Variants in NFX1 observed in about 807,000 individuals in gnomAD.
The protein encoded by NFX1 is transcriptional repressor NF-X1.
Under a neutral mutation model 137.2 loss-of-function variants are expected in NFX1, and 69 were observed. The observed-to-expected ratio is 0.50, with a 90% CI of 0.41 to 0.61. The LOEUF is 0.61. NFX1 is among the 20% of genes least tolerant of loss of function. NFX1 has a pLI of 0.00. For synonymous variants in NFX1, 495 were observed against 474.1 expected (o/e 1.04, Z -0.57); for missense variants, 1,167 against 1,391.0 (o/e 0.84, Z 2.56).
intron 6 of NFX1, among the ~76,000 whole-genome samples, chr9:33,311,532 C>T (rs1221354971): frequency 6.6e-6 from 1 of 151,724 alleles, no homozygotes; most frequent in Non-Finnish European, 1.5e-5. Flanking sequence ...CCCATTATTT[C>T]GGGTAAAATA....
At chr9:33,307,794 CTTTTT>C (rs139468485) in intron 5 of NFX1, among the ~76,000 whole-genome samples, 4 of 85,320 alleles carry the variant, frequency 4.7e-5, no homozygotes, top group Admixed American at 1.3e-4. Context: ...TTCTTTCTTT[CTTTTT>C]TTTTTTTTTT....
chr9:33,361,533 G>A (rs550723195), intron 19 of NFX1, among the ~76,000 whole-genome samples: 24 of 152,212 alleles, frequency 1.6e-4, no homozygotes, highest in African/African-American at 5.3e-4. Context: ...AGCACTTTGG[G>A]AGGTCGAGGC....
chr9:33,313,900 C>G, intron 7 of NFX1, 107 bp downstream of exon 7: 1 of 1,148,378 alleles, frequency 8.7e-7, no homozygotes, highest in South Asian at 1.4e-5. Context: ...GTCACAAAGA[C>G]CTTGAGTAGA....
In NFX1 at chr9:33,352,533, C is replaced by A. The variant is rs1257775980; in HGVS notation, c.2656-113C>A. 4 of 873,528 alleles carry A rather than the reference C, an allele frequency of 4.6e-6. No homozygotes were observed. In the African/African-American group the frequency reaches 6.6e-5, roughly 14 times the overall value. 54.1% of individuals were successfully genotyped at this position (873,528 alleles called of 1,614,324 possible). On this transcript the variant is annotated intron_variant, in intron 16 of 23. Coordinates refer to ENST00000379540, the MANE Select transcript of NFX1 (RefSeq NM_002504.6). Reference sequence around the variant, plus strand: ...CTTCTTCCAGCTTGGAGAGTGGCCACCCACTGACTCTCTAGTCTCTGCTAT... The same window carrying A: ...CTTCTTCCAGCTTGGAGAGTGGCCAACCACTGACTCTCTAGTCTCTGCTAT...
rs945738887 is a variant in NFX1, at chr9:33,328,516, A to G, written c.1907-65A>G. On this transcript the variant is annotated intron_variant, in intron 9 of 23. Coordinates refer to ENST00000379540, the MANE Select transcript of NFX1 (RefSeq NM_002504.6). ...GAGGGGAAGACCAGTGTGGCTAGCA[A>G]ATTTGGGAGTATGAAAATGAGTAGT... is the stretch of plus-strand genomic sequence containing the variant. 3.2e-6 allele frequency: 4 copies of G among 1,254,640 alleles called. No individual in the cohort carries two copies. The Admixed American group carries it at 6.9e-5, about 22-fold the overall frequency. The allele number at this position is 1,254,640 out of a possible 1,614,324, so 77.7% of individuals were successfully genotyped here.
chr9:33,351,495 G>T, intron 15 of NFX1, 65 bp from the exon 16 acceptor site: 1 of 1,471,728 alleles, frequency 6.8e-7, no homozygotes. Flanking sequence ...TGTTTAAAGA[G>T]AAAGTTAAAA....
intron 21 of NFX1, 146 bp from the exon 22 acceptor site, chr9:33,366,483 G>C (rs2118704338): frequency 1.1e-6 from 1 of 893,064 alleles, no homozygotes; most frequent in East Asian, 2.7e-5. Flanking sequence ...CTCCAGGCTT[G>C]CTTGGCAGTT....
chr9:33,363,075 C>T (rs1449921102), intron 19 of NFX1, among the ~76,000 whole-genome samples: 1 of 151,688 alleles, frequency 6.6e-6, no homozygotes, highest in Non-Finnish European at 1.5e-5. Context: ...TACAAAATAG[C>T]TAGAAAAGAG....
At chr9:33,310,658 G>C (rs935044951) in intron 5 of NFX1, among the ~76,000 whole-genome samples, 1 of 152,060 alleles carries the variant, frequency 6.6e-6, no homozygotes, top group Non-Finnish European at 1.5e-5. Context: ...TACTTCACTA[G>C]CTGATAGTAT....
chr9:33,332,295 G>T (rs1014273617), intron 10 of NFX1, among the ~76,000 whole-genome samples, 177 bp from the exon 11 acceptor site: 1 of 152,178 alleles, frequency 6.6e-6, no homozygotes, highest in Non-Finnish European at 1.5e-5. Context: ...TGTGAGTAAA[G>T]CTCATTCATA....
At chr9:33,365,046 G>A in intron 21 of NFX1, 1 of 1,166,690 alleles carries the variant, frequency 8.6e-7, no homozygotes. Flanking sequence ...GGCCAAGGCA[G>A]GCAGATCACT....
intron 22 of NFX1, 101 bp downstream of exon 22, chr9:33,366,875 C>T: frequency 7.3e-7 from 1 of 1,378,656 alleles, no homozygotes; most frequent in Non-Finnish European, 9.7e-7. Flanking sequence ...ACCACTCTCC[C>T]TCTTGGAAAA....
rs189005892 is a variant in NFX1, at chr9:33,361,993, C to T, written c.2874-2017C>T. On this transcript the variant is annotated intron_variant, in intron 19 of 23. Coordinates refer to ENST00000379540, the MANE Select transcript of NFX1 (RefSeq NM_002504.6). Reference sequence around the variant, plus strand: ...CAAAAATTAGCCGGGCATGGTGGCACACTTGTAGTGCCAGCTACTGGAGAG... The same window carrying T: ...CAAAAATTAGCCGGGCATGGTGGCATACTTGTAGTGCCAGCTACTGGAGAG... Among the ~76,000 whole-genome samples the T allele has an allele frequency of 8.7e-3, 1,327 of 151,678 alleles. 19 individuals are homozygous for T. The highest frequency in any genetic ancestry group is 0.031 in the African/African-American group (1,285 of 41,310).
Position 33,354,985 on chromosome 9 carries a change from C to T in NFX1, c.2873+93C>T, listed in dbSNP as rs767229216. 2.6e-5 allele frequency: 31 copies of T among 1,174,268 alleles called. 1 individual carries two copies. Among genetic ancestry groups the T allele is most frequent in the Non-Finnish European group, 3.6e-5 (29 of 802,972 alleles). The allele number at this position is 1,174,268 out of a possible 1,614,324, so 72.7% of individuals were successfully genotyped here. A position where few individuals can be genotyped will look rare whatever the true frequency, so the allele number is the denominator to read the frequency against. On this transcript the variant is annotated intron_variant, in intron 19 of 23. Coordinates refer to ENST00000379540, the MANE Select transcript of NFX1 (RefSeq NM_002504.6). ...AACCCTTCAAACGTCATTCACTCAGCACTGCGCTGCGTCTTTTACCGTTAT... is the reference window on the plus strand; with the variant it reads ...AACCCTTCAAACGTCATTCACTCAGTACTGCGCTGCGTCTTTTACCGTTAT...
intron 19 of NFX1, among the ~76,000 whole-genome samples, chr9:33,363,628 A>G (rs562629914): frequency 2.0e-5 from 3 of 152,172 alleles, no homozygotes; most frequent in African/African-American, 7.2e-5. Context: ...GGAATTCTTT[A>G]CTTTTCAGAT....
intron 11 of NFX1, 52 bp downstream of exon 11, chr9:33,332,554 T>C (rs1192454230): frequency 7.4e-7 from 1 of 1,345,942 alleles, no homozygotes; most frequent in Non-Finnish European, 1.0e-6. Flanking sequence ...GTGTCGTCAC[T>C]CTGAATCTTG....
Position 33,366,655 on chromosome 9 carries a change from C to T in NFX1, c.3066C>T (p.Ser1022=), listed in dbSNP as rs1170282662. The change falls in exon 22 of 24, where the codon AGC becomes AGT. Residue 1022 remains serine (S), a synonymous_variant. Coordinates refer to ENST00000379540, the MANE Select transcript of NFX1 (RefSeq NM_002504.6). ...NKGKNSKKSH[S]FPPMNRDHRR... ...GAAAGAATAGTAAGAAAAGCCACAG[C>T]TTCCCTCCCATGAACAGAGACCACC... 2.5e-6 allele frequency: 4 copies of T among 1,614,032 alleles called. No individual in the cohort carries two copies. The African/African-American group carries it at 5.3e-5, about 22-fold the overall frequency.
At chr9:33,367,270 G>A (rs1824195927) in intron 22 of NFX1, among the ~76,000 whole-genome samples, 1 of 152,290 alleles carries the variant, frequency 6.6e-6, no homozygotes, top group East Asian at 1.9e-4. Context: ...CTCAGAACCT[G>A]GGAATAGGAA....
intron 11 of NFX1, among the ~76,000 whole-genome samples, chr9:33,335,754 G>A (rs1408007352): frequency 6.6e-6 from 1 of 152,024 alleles, no homozygotes; most frequent in Non-Finnish European, 1.5e-5. Flanking sequence ...CTATCTGTAT[G>A]GATTTACTAT....
Sources: allele counts gnomAD v4.1 joint callset (sites outside exome capture counted in the v4.1 genomes callset), GRCh38; gene constraint gnomAD v4.1.1; transcripts MANE v1.5; gene names NCBI Gene and HGNC (gene_info 2026-07-23, HGNC 2026-07-21).